Variants in HERC3 observed in about 807,000 individuals in gnomAD.
HERC3 encodes the protein HECT and RLD domain containing E3 ubiquitin protein ligase 3.
HERC3 carries 58 observed loss-of-function variants against 129.9 expected under a neutral mutation model. That is an observed-to-expected ratio of 0.45 (90% CI 0.36 to 0.56). The LOEUF (loss-of-function observed/expected upper bound fraction) is 0.56, where lower values mean the gene tolerates loss of function less well. HERC3 is among the 20% of genes least tolerant of loss of function. The probability of loss-of-function intolerance (pLI) is 0.00; values close to 1 mark genes in which losing one functional copy is unlikely to be tolerated. For missense variants in HERC3, 835 were observed against 1,244.2 expected (o/e 0.67, Z 4.95); for synonymous variants, 430 against 451.0 (o/e 0.95, Z 0.59).
At chr4:88,612,328 G>GTGTGTGTGTGT (rs1560675041) in intron 3 of HERC3, among the ~76,000 whole-genome samples, 2 of 97,876 alleles carry the variant, frequency 2.0e-5, no homozygotes, top group African/African-American at 9.6e-5. Context: ...TGTGTGTGTG[G>GTGTGTGTGTGT]TAAGAAGGAG....
the HERC3 span, among the ~76,000 whole-genome samples, chr4:88,537,527 ACT>A: frequency 6.6e-6 from 1 of 152,180 alleles, no homozygotes; most frequent in Non-Finnish European, 1.5e-5. Flanking sequence ...GGTTATGCTA[ACT>A]CTGATCATTT....
At chr4:88,628,266 T>C (rs1726350367) in intron 3 of HERC3, among the ~76,000 whole-genome samples, 1 of 152,248 alleles carries the variant, frequency 6.6e-6, no homozygotes. Context: ...TCGGTGTTAA[T>C]GAGTTGATCC....
intron 10 of HERC3, among the ~76,000 whole-genome samples, chr4:88,662,190 C>G (rs1291040106): frequency 6.6e-6 from 1 of 152,148 alleles, no homozygotes; most frequent in Non-Finnish European, 1.5e-5. Flanking sequence ...ACCTTTACAC[C>G]ATGCCTCTAC....
chr4:88,635,012 A>C (rs1727217429), intron 3 of HERC3, among the ~76,000 whole-genome samples: 1 of 152,158 alleles, frequency 6.6e-6, no homozygotes, highest in Non-Finnish European at 1.5e-5. Context: ...TAGCAGGCTC[A>C]AAGATCGAAA....
the HERC3 span, among the ~76,000 whole-genome samples, chr4:88,544,722 T>C: frequency 1.3e-5 from 2 of 152,178 alleles, no homozygotes; most frequent in Admixed American, 6.5e-5. Flanking sequence ...ATATACACCA[T>C]GGAATACTAT....
intron 2 of HERC3, among the ~76,000 whole-genome samples, chr4:88,599,866 T>C (rs146212073): frequency 6.6e-6 from 1 of 152,350 alleles, no homozygotes; most frequent in African/African-American, 2.4e-5. Flanking sequence ...CCAGGTTGAC[T>C]GATCAGGGTC....
chr4:88,685,795 C>G (rs1216182627), intron 21 of HERC3, among the ~76,000 whole-genome samples: 4 of 151,386 alleles, frequency 2.6e-5, no homozygotes, highest in African/African-American at 9.7e-5. Context: ...GCCAGTCTAA[C>G]TGGGTGAAAA....
the HERC3 span, chr4:88,523,854 G>GAGGGTGCTTCTGCTC: frequency 1.4e-6 from 1 of 705,306 alleles, no homozygotes. Context: ...CTTTGGTTCC[G>GAGGGTGCTTCTGCTC]AGGGTGCTTC....
the HERC3 span, among the ~76,000 whole-genome samples, chr4:88,578,225 C>T: frequency 1.3e-5 from 2 of 152,106 alleles, no homozygotes; most frequent in Non-Finnish European, 2.9e-5. Flanking sequence ...ATCATCACCA[C>T]AACAATAGTG....
intron 3 of HERC3, among the ~76,000 whole-genome samples, chr4:88,606,921 T>C (rs1723713590): frequency 6.6e-6 from 1 of 152,204 alleles, no homozygotes; most frequent in South Asian, 2.1e-4. Context: ...ACACAATCAC[T>C]ATCAGAAACT....
chr4:88,645,104 G>T (rs189269407), intron 3 of HERC3, among the ~76,000 whole-genome samples: 33 of 152,240 alleles, frequency 2.2e-4, no homozygotes, highest in Admixed American at 7.2e-4. Context: ...CCATCACCCA[G>T]ACTTTCAATA....
intron 19 of HERC3, among the ~76,000 whole-genome samples, chr4:88,679,044 T>C (rs1336347587): frequency 6.6e-6 from 1 of 152,208 alleles, no homozygotes; most frequent in Non-Finnish European, 1.5e-5. Flanking sequence ...CTCTAGGCAA[T>C]CTTGAAGACA....
chr4:88,633,914 G>GT (rs1727049465), intron 3 of HERC3, among the ~76,000 whole-genome samples: 1 of 152,232 alleles, frequency 6.6e-6, no homozygotes, highest in Non-Finnish European at 1.5e-5. Context: ...ACAGAGGAAT[G>GT]TTACATAGTG....
At position 88,708,367 on chromosome 4, in the gene HERC3, T is replaced by C. The variant is rs956406298; in HGVS notation, c.*1407T>C. On this transcript the variant is annotated 3_prime_UTR_variant, in exon 26 of 26. Coordinates refer to ENST00000402738, the MANE Select transcript of HERC3 (RefSeq NM_014606.3). ...TCAAATCTTGATGAAGGATTGTAGA[T>C]TTTTGCTTTTTCTTTTTGTTTTTAA... The C allele has an allele frequency of 1.3e-5, 2 of 152,604 alleles. No individual in the cohort carries two copies. The highest frequency in any genetic ancestry group is 6.5e-5 in the Admixed American group (1 of 15,276). 9.5% of individuals were successfully genotyped at this position (152,604 alleles called of 1,614,324 possible). A position where few individuals can be genotyped will look rare whatever the true frequency, so the allele number is the denominator to read the frequency against.
intron 23 of HERC3, among the ~76,000 whole-genome samples, chr4:88,688,096 T>C (rs1291119857): frequency 6.6e-6 from 1 of 152,216 alleles, no homozygotes; most frequent in Non-Finnish European, 1.5e-5. Context: ...CCAGTGTATG[T>C]GATAGAAGTT....
chr4:88,697,746 G>T, intron 23 of HERC3: 1 of 1,607,860 alleles, frequency 6.2e-7, no homozygotes, highest in Non-Finnish European at 8.5e-7. Flanking sequence ...GGTTTTCCGA[G>T]TCGGCCATGT....
At chr4:88,611,609 G>C (rs905066143) in intron 3 of HERC3, among the ~76,000 whole-genome samples, 4 of 152,196 alleles carry the variant, frequency 2.6e-5, no homozygotes, top group Non-Finnish European at 5.9e-5. Flanking sequence ...GTTCCTCTAA[G>C]GCTTTGAGAG....
chr4:88,595,941 C>CG (rs1370818879), intron 2 of HERC3, among the ~76,000 whole-genome samples: 2 of 149,436 alleles, frequency 1.3e-5, no homozygotes, highest in African/African-American at 2.5e-5. Context: ...CTCCGCCCCC[C>CG]GGGGTTCATG....
At chr4:88,664,379 C>A (rs1314429224) in intron 12 of HERC3, among the ~76,000 whole-genome samples, 167 bp downstream of exon 12, 1 of 152,138 alleles carries the variant, frequency 6.6e-6, no homozygotes, top group African/African-American at 2.4e-5. Flanking sequence ...CATAGTGAGG[C>A]CCCATCTTTT....
Sources: gnomAD v4.1 joint callset for allele counts (sites outside exome capture counted in the v4.1 genomes callset) on GRCh38, gnomAD v4.1.1 for gene constraint, MANE v1.5 for transcripts, NCBI Gene and HGNC (gene_info 2026-07-23, HGNC 2026-07-21) for gene names.